Variants in LRBA observed in about 807,000 individuals in gnomAD.
LRBA encodes the protein lipopolysaccharide-responsive and beige-like anchor protein.
In LRBA, 176 loss-of-function variants were observed where a neutral mutation model predicts 330.0. That is an observed-to-expected ratio of 0.53 (90% CI 0.47 to 0.60). The LOEUF (loss-of-function observed/expected upper bound fraction) is 0.60. Ranked by LOEUF, LRBA falls within the 20% of genes least tolerant of loss-of-function variation. The probability of loss-of-function intolerance (pLI) is 0.00; values close to 1 mark genes in which losing one functional copy is unlikely to be tolerated. For synonymous variants in LRBA, 1,230 were observed against 1,193.0 expected (o/e 1.03, Z -0.64); for missense variants, 3,259 against 3,444.8 (o/e 0.95, Z 1.35).
Position 150,914,284 on chromosome 4 carries a change from A to G in LRBA, c.1072T>C (p.Cys358Arg). 6.2e-7 allele frequency: 1 copy of G among 1,608,084 alleles called. No homozygotes were observed. The highest frequency in any genetic ancestry group is 8.5e-7 in the Non-Finnish European group (1 of 1,176,302). The change falls in exon 9 of 57, where the codon TGT becomes CGT. Residue 358 changes from cysteine to arginine, a missense_variant. Cys to Arg is a radical substitution (Grantham distance 180). Transcript: ENST00000651943. ...SETADANRVF[C>R]GQMTAVYLFS... is the part of the protein sequence containing the mutation. ...AGGTAAACTGCAGTCATCTGACCAC[A>G]GAATACTCTATTAGCATCTGCTGTT...
intron 33 of LRBA, among the ~76,000 whole-genome samples, chr4:150,805,269 A>AAAGGAAAGGAG (rs1742436379): frequency 7.1e-6 from 1 of 139,906 alleles, no homozygotes; most frequent in Admixed American, 7.6e-5. Context: ...AACGAGAAGG[A>AAAGGAAAGGAG]AAGGAAAGGA....
rs182882766 is a variant in LRBA, at chr4:150,648,616, C to T, written c.5921+34935G>A. Among the ~76,000 whole-genome samples, 15 of 151,966 alleles carry T rather than the reference C, an allele frequency of 9.9e-5. No individual in the cohort carries two copies. In the East Asian group the frequency reaches 2.3e-3, roughly 24 times the overall value. Reference sequence around the variant, plus strand: ...AGAGTACTGCCTCTGATTGAGAACCCTTAAATGCCAACTCATGCTAAAACA... The same window carrying T: ...AGAGTACTGCCTCTGATTGAGAACCTTTAAATGCCAACTCATGCTAAAACA... On this transcript the variant is annotated intron_variant, in intron 37 of 56. Coordinates refer to ENST00000651943, the MANE Select transcript of LRBA (RefSeq NM_001364905.1).
intron 44 of LRBA, among the ~76,000 whole-genome samples, chr4:150,459,955 A>G (rs1364946159): frequency 6.6e-6 from 1 of 151,842 alleles, no homozygotes; most frequent in Non-Finnish European, 1.5e-5. Flanking sequence ...TCTTTTGGTA[A>G]GCTTGAATTC....
At chr4:150,596,649 T>C (rs1460781033) in intron 38 of LRBA, among the ~76,000 whole-genome samples, 1 of 151,894 alleles carries the variant, frequency 6.6e-6, no homozygotes, top group African/African-American at 2.4e-5. Flanking sequence ...ACAATTTTGT[T>C]TTGCATACTT....
In LRBA at chr4:150,893,049, T is replaced by TA. The variant is rs1452929480; in HGVS notation, c.2165+2dup. On this transcript the variant is annotated splice_region_variant and intron_variant, in intron 17 of 56. Transcript: ENST00000651943. ...TTATATGAAATAGATTAAAAACTCT[T>TA]ACCGTAACCCATTCCTTTGGTCAAA... 6.3e-7 allele frequency: 1 copy of TA among 1,582,556 alleles called. No homozygotes were observed. Among genetic ancestry groups the TA allele is most frequent in the Admixed American group, 1.8e-5 (1 of 56,612 alleles).
intron 37 of LRBA, among the ~76,000 whole-genome samples, chr4:150,661,215 A>G (rs1412870119): frequency 2.5e-4 from 38 of 152,112 alleles, no homozygotes; most frequent in Admixed American, 7.8e-4. Flanking sequence ...TCACACCTGT[A>G]ATCCCAGCAA....
At chr4:150,373,516 T>C (rs1740783539) in intron 47 of LRBA, among the ~76,000 whole-genome samples, 1 of 152,170 alleles carries the variant, frequency 6.6e-6, no homozygotes, top group Non-Finnish European at 1.5e-5. Flanking sequence ...CATGATCTAA[T>C]TTTCTGGCTT....
chr4:150,683,189 T>C (rs966373999), intron 37 of LRBA, among the ~76,000 whole-genome samples: 3 of 152,126 alleles, frequency 2.0e-5, no homozygotes, highest in Non-Finnish European at 4.4e-5. Flanking sequence ...TAAAATGTTA[T>C]ATACGTAAAA....
intron 46 of LRBA, among the ~76,000 whole-genome samples, chr4:150,433,491 G>A (rs1750701056): frequency 6.6e-6 from 1 of 151,974 alleles, no homozygotes; most frequent in Non-Finnish European, 1.5e-5. Flanking sequence ...CTATTATAAA[G>A]CAGCAAAACA....
intron 40 of LRBA, among the ~76,000 whole-genome samples, chr4:150,560,648 C>A (rs1000005145): frequency 6.6e-6 from 1 of 152,124 alleles, no homozygotes; most frequent in South Asian, 2.1e-4. Context: ...CTTAGTAGAA[C>A]AGCATATAGG....
rs1324609228 is a variant in LRBA at position 150,583,481 on chromosome 4, T to A, written c.6330+4567A>T. On this transcript the variant is annotated intron_variant, in intron 40 of 56. Transcript: ENST00000651943. The surrounding 1 kb of genome is among the most constrained non-coding windows in gnomAD (Gnocchi z 9.8). ...TGCAGCTATCGGGATGTGGTCAAGA[T>A]GATCGCGGACACCAGCGAGGTCAAG... The A allele has an allele frequency of 6.2e-7, 1 of 1,613,928 alleles. No individual in the cohort carries two copies. Among genetic ancestry groups the A allele is most frequent in the Non-Finnish European group, 8.5e-7 (1 of 1,180,014 alleles).
At chr4:150,828,716 T>C (rs897390046) in intron 29 of LRBA, 95 bp from the exon 30 acceptor site, 2 of 1,083,114 alleles carry the variant, frequency 1.8e-6, no homozygotes, top group Non-Finnish European at 2.7e-6. Context: ...TCTACTGTTT[T>C]GAATTATGAA....
At chr4:150,738,654 G>C (rs1255344935) in intron 35 of LRBA, among the ~76,000 whole-genome samples, 1 of 151,954 alleles carries the variant, frequency 6.6e-6, no homozygotes, top group Non-Finnish European at 1.5e-5. Context: ...CAGCATACAA[G>C]GCAAGAGAAA....
At chr4:150,917,152 CAAAA>C (rs1158155392) in intron 5 of LRBA, among the ~76,000 whole-genome samples, 40 of 132,788 alleles carry the variant, frequency 3.0e-4, no homozygotes, top group Non-Finnish European at 5.5e-4. Flanking sequence ...GACTCCATCT[CAAAA>C]AAAAAAATAT....
At chr4:150,810,697 A>ACT (rs1212409893) in intron 31 of LRBA, among the ~76,000 whole-genome samples, 8 of 152,004 alleles carry the variant, frequency 5.3e-5, no homozygotes, top group Non-Finnish European at 1.2e-4. Flanking sequence ...GAACTCCTGG[A>ACT]CTCAAGCCGT....
intron 40 of LRBA, among the ~76,000 whole-genome samples, chr4:150,565,281 G>A (rs916405724): frequency 1.8e-4 from 28 of 152,084 alleles, no homozygotes; most frequent in African/African-American, 6.0e-4. Context: ...CTAATAAGTG[G>A]GAATTGAACT....
At chr4:150,489,624 T>TATATAATATATAAGAATATATAATATATA (rs1758618096) in intron 41 of LRBA, among the ~76,000 whole-genome samples, 1 of 119,296 alleles carries the variant, frequency 8.4e-6, no homozygotes, top group Non-Finnish European at 1.6e-5. Context: ...TATATAAGAA[T>TATATAATATATAAGAATATATAATATATA]ATATAATATA....
At chr4:150,525,126 G>A (rs900748477) in intron 40 of LRBA, among the ~76,000 whole-genome samples, 1 of 151,962 alleles carries the variant, frequency 6.6e-6, no homozygotes, top group African/African-American at 2.4e-5. Context: ...CAGACTTACA[G>A]ACAATAATAT....
chr4:151,006,861 T>G (rs910794945), intron 2 of LRBA, among the ~76,000 whole-genome samples: 1 of 152,184 alleles, frequency 6.6e-6, no homozygotes, highest in Admixed American at 6.5e-5. Flanking sequence ...TTTCTTGTAA[T>G]TATCATTAAT....
Sources: allele counts gnomAD v4.1 joint callset (sites outside exome capture counted in the v4.1 genomes callset), GRCh38; gene constraint gnomAD v4.1.1; non-coding constraint Gnocchi (gnomAD v3.1); transcripts MANE v1.5; gene names NCBI Gene and HGNC (gene_info 2026-07-23, HGNC 2026-07-21).